ELAVL2: variants seen among roughly 807,000 people sequenced by gnomAD.
ELAVL2 encodes the protein ELAV-like protein 2.
A neutral mutation model predicts 34.6 loss-of-function variants in ELAVL2; 4 were observed. That is an observed-to-expected ratio of 0.12 (90% CI 0.06 to 0.26). The LOEUF is 0.26. ELAVL2 is among the 10% of genes least tolerant of loss of function. ELAVL2 has a pLI of 1.00. For missense variants in ELAVL2, 432 were observed against 442.8 expected (o/e 0.98, Z 0.22); for synonymous variants, 193 against 154.8 (o/e 1.25, Z -1.83).
intron 1 of ELAVL2, among the ~76,000 whole-genome samples, chr9:23,778,313 G>C (rs891674552): frequency 6.6e-6 from 1 of 152,188 alleles, no homozygotes; most frequent in Non-Finnish European, 1.5e-5. Flanking sequence ...CTGGCAGCTA[G>C]CGGGTAGATT....
At chr9:23,728,982 C>T (rs1035906819) in intron 3 of ELAVL2, among the ~76,000 whole-genome samples, 5 of 152,240 alleles carry the variant, frequency 3.3e-5, no homozygotes, top group African/African-American at 1.2e-4. Flanking sequence ...CTATAAAAGC[C>T]ACAAAGCTTT....
At chr9:23,702,974 A>AAAAAAAAAAAAAAAAAAC (rs1554663987) in intron 4 of ELAVL2, among the ~76,000 whole-genome samples, 10 of 139,300 alleles carry the variant, frequency 7.2e-5, no homozygotes, top group Admixed American at 7.4e-5. Flanking sequence ...AAAAAAAAAA[A>AAAAAAAAAAAAAAAAAAC]AAAAAAACAG....
At position 23,692,559 on chromosome 9, in the gene ELAVL2, AG is replaced by A. The variant is rs768170731; in HGVS notation, c.1077del (p.Ter360AsnfsTer26). ...VSFKTNKTHK[A>X] ...AATGGACTGAGGACAAGAGCTCATT[AG>A]GCTTTGTGCGTTTTGTTTGTCTTAA... is the stretch of plus-strand genomic sequence containing the variant. On this transcript the variant is annotated frameshift_variant, in exon 7 of 7. Coordinates refer to ENST00000397312, the MANE Select transcript of ELAVL2 (RefSeq NM_004432.5). LOFTEE classifies it high-confidence loss of function. The A allele has an allele frequency of 6.2e-7, 1 of 1,610,980 alleles. No individual in the cohort carries two copies. The highest frequency in any genetic ancestry group is 8.5e-7 in the Non-Finnish European group (1 of 1,177,646).
chr9:23,730,978 A>G lies in ELAVL2; in HGVS notation c.333+44T>C, dbSNP rs1391219194. On this transcript the variant is annotated intron_variant, in intron 3 of 6. Coordinates refer to ENST00000397312, the MANE Select transcript of ELAVL2 (RefSeq NM_004432.5). ...ACTACAAATAAATCTTAATTTTTTT[A>G]AACTTCTGTTCCGCAAGTAGATATA... 1.9e-6 allele frequency: 3 copies of G among 1,540,646 alleles called. No homozygotes were observed. In the African/African-American group the frequency reaches 4.2e-5, roughly 21 times the overall value.
intron 4 of ELAVL2, among the ~76,000 whole-genome samples, chr9:23,702,974 A>AAAAAAAAAAAAAAAAAAAAC (rs1554663987): frequency 3.6e-5 from 5 of 139,384 alleles, no homozygotes; most frequent in African/African-American, 5.7e-5. Flanking sequence ...AAAAAAAAAA[A>AAAAAAAAAAAAAAAAAAAAC]AAAAAAACAG....
chr9:23,704,147 G>GTTTTTTTTTTTTTTTTTTTTT, intron 4 of ELAVL2, among the ~76,000 whole-genome samples: 1 of 151,790 alleles, frequency 6.6e-6, no homozygotes, highest in Non-Finnish European at 1.5e-5. Context: ...GGTCACGCTG[G>GTTTTTTTTTTTTTTTTTTTTT]TCTTGAACTC....
intron 2 of ELAVL2, among the ~76,000 whole-genome samples, chr9:23,746,656 G>A (rs2050566362): frequency 6.6e-6 from 1 of 151,994 alleles, no homozygotes; most frequent in Non-Finnish European, 1.5e-5. Flanking sequence ...CAGAAAGAGA[G>A]AGGACCCACC....
chr9:23,784,071 G>A (rs1423490506), intron 1 of ELAVL2, among the ~76,000 whole-genome samples: 3 of 152,000 alleles, frequency 2.0e-5, no homozygotes, highest in Admixed American at 1.3e-4. Flanking sequence ...GGTGGCGGGC[G>A]CCTGTAATCC....
intron 5 of ELAVL2, among the ~76,000 whole-genome samples, chr9:23,694,427 C>T (rs1384140116): frequency 6.6e-6 from 1 of 152,084 alleles, no homozygotes; most frequent in Non-Finnish European, 1.5e-5. Context: ...CAGTGCTTAC[C>T]AACTAATTAT....
chr9:23,779,374 G>A (rs547396843), intron 1 of ELAVL2: 2 of 985,390 alleles, frequency 2.0e-6, no homozygotes, highest in Non-Finnish European at 2.4e-6. Context: ...AGGGAAGAAA[G>A]CAACGCCCTG....
intron 1 of ELAVL2, among the ~76,000 whole-genome samples, chr9:23,820,728 A>C (rs1021067112): frequency 1.3e-5 from 2 of 152,144 alleles, no homozygotes; most frequent in African/African-American, 2.4e-5. Context: ...CAGTGCACGC[A>C]CACTAGTCCG....
chr9:23,701,541 T>C lies in ELAVL2; in HGVS notation c.551A>G (p.Lys184Arg). 6.2e-7 allele frequency: 1 copy of C among 1,614,166 alleles called. No individual in the cohort carries two copies. The highest frequency in any genetic ancestry group is 8.5e-7 in the Non-Finnish European group (1 of 1,179,998). ...GGGAGGTTTCTGGCCATTTAGGCCT[T>C]TGATAGCTTCTTCTGCCTCAATTCG... Reference protein sequence around the residue: ...DKRIEAEEAIKGLNGQKPPGA... With the variant: ...DKRIEAEEAIRGLNGQKPPGA... Residue 184 changes from lysine to arginine, a missense_variant, in exon 5 of 7, where the codon AAA becomes AGA. By Grantham distance (26) the Lys-to-Arg change is conservative (BLOSUM62 2). Coordinates refer to ENST00000397312, the MANE Select transcript of ELAVL2 (RefSeq NM_004432.5).
the ELAVL2 span, among the ~76,000 whole-genome samples, chr9:23,837,155 T>C: frequency 8.5e-5 from 13 of 152,222 alleles, no homozygotes; most frequent in East Asian, 1.9e-3. Flanking sequence ...TCTCAGCATA[T>C]AATGTTTCTG....
At chr9:23,843,456 G>C in the ELAVL2 span, among the ~76,000 whole-genome samples, 1 of 152,018 alleles carries the variant, frequency 6.6e-6, no homozygotes, top group East Asian at 1.9e-4. Context: ...AGGAGTTTAA[G>C]AAACAAATTT....
intron 2 of ELAVL2, among the ~76,000 whole-genome samples, chr9:23,760,394 G>T (rs1385963309): frequency 6.6e-6 from 1 of 151,908 alleles, no homozygotes; most frequent in African/African-American, 2.4e-5. Flanking sequence ...TGCATCATTT[G>T]TGTCATAGCC....
chr9:23,696,162 G>A (rs1171915775), intron 5 of ELAVL2, among the ~76,000 whole-genome samples: 1 of 151,954 alleles, frequency 6.6e-6, no homozygotes, highest in Non-Finnish European at 1.5e-5. Context: ...ACGAGTGTAG[G>A]GAGAAGCATG....
In ELAVL2 at chr9:23,701,509, T is replaced by A. The variant is rs2037203682; in HGVS notation, c.583A>T (p.Thr195Ser). The change falls in exon 5 of 7, where the codon ACG becomes TCG. Residue 195 changes from threonine to serine, a missense_variant. This residue lies in a region of ELAVL2 where 295 missense variants were observed against 306.1 expected (regional missense o/e 0.96). Coordinates refer to ENST00000397312, the MANE Select transcript of ELAVL2 (RefSeq NM_004432.5). Reference sequence around the variant, plus strand: ...GCAAACTTTACAGTGATTGGCTCCGTGGCACCGGGAGGTTTCTGGCCATTT... The same window carrying A: ...GCAAACTTTACAGTGATTGGCTCCGAGGCACCGGGAGGTTTCTGGCCATTT... ...GLNGQKPPGA[T>S]EPITVKFANN... is the part of the protein sequence containing the mutation. 1 of 1,614,122 alleles carries A rather than the reference T, an allele frequency of 6.2e-7. No individual in the cohort carries two copies. The highest frequency in any genetic ancestry group is 2.2e-5 in the East Asian group (1 of 44,856).
intron 2 of ELAVL2, among the ~76,000 whole-genome samples, chr9:23,744,581 C>T (rs1050144079): frequency 6.6e-6 from 1 of 151,934 alleles, no homozygotes; most frequent in Non-Finnish European, 1.5e-5. Context: ...TTCTAGTTAT[C>T]CTAATTGACA....
At chr9:23,724,057 C>T (rs1277037860) in intron 3 of ELAVL2, among the ~76,000 whole-genome samples, 2 of 152,130 alleles carry the variant, frequency 1.3e-5, no homozygotes, top group African/African-American at 4.8e-5. Flanking sequence ...ATGAAATAGC[C>T]AGGCTTTTCT....
Sources: allele counts gnomAD v4.1 joint callset (sites outside exome capture counted in the v4.1 genomes callset), GRCh38; gene constraint gnomAD v4.1.1; regional missense constraint gnomAD v4.1.1; transcripts MANE v1.5; gene names NCBI Gene and HGNC (gene_info 2026-07-23, HGNC 2026-07-21).